TBC1D22A: variants seen among roughly 807,000 people sequenced by gnomAD.
TBC1D22A encodes TBC1 domain family member 22A.
In TBC1D22A, 38 loss-of-function variants were observed where a neutral mutation model predicts 60.2. The ratio of observed to expected loss-of-function variants is 0.63; its 90% CI spans 0.49 to 0.83. TBC1D22A has a LOEUF of 0.83. Ranked by LOEUF, TBC1D22A falls within the 40% of genes least tolerant of loss-of-function variation. TBC1D22A has a pLI of 0.00. For missense variants in TBC1D22A, 628 were observed against 701.0 expected (o/e 0.90, Z 1.18); for synonymous variants, 302 against 281.7 (o/e 1.07, Z -0.72).
At chr22:47,004,891 C>A (rs1477664412) in intron 10 of TBC1D22A, among the ~76,000 whole-genome samples, 7 of 151,824 alleles carry the variant, frequency 4.6e-5, no homozygotes, top group Admixed American at 4.6e-4. Context: ...ATACACACAC[C>A]CCTATATATA....
chr22:47,126,969 AT>A (rs1233226209), intron 12 of TBC1D22A, among the ~76,000 whole-genome samples: 1 of 152,102 alleles, frequency 6.6e-6, no homozygotes, highest in Non-Finnish European at 1.5e-5. Context: ...AGAGCTACCG[AT>A]TTTTCACACG....
At chr22:46,949,812 G>A (rs928909667) in intron 8 of TBC1D22A, among the ~76,000 whole-genome samples, 1 of 152,226 alleles carries the variant, frequency 6.6e-6, no homozygotes. Flanking sequence ...GAGCCGGTCA[G>A]CAGTGACGGG....
chr22:46,910,531 T>TG (rs1213292444), intron 7 of TBC1D22A, among the ~76,000 whole-genome samples: 1 of 152,142 alleles, frequency 6.6e-6, no homozygotes, highest in African/African-American at 2.4e-5. Flanking sequence ...GTCTACCTCC[T>TG]GTGCCTTGTT....
At position 46,778,872 on chromosome 22, in the gene TBC1D22A, C is replaced by T. The variant is rs181500489; in HGVS notation, c.63-13648C>T. Reference sequence around the variant, plus strand: ...CAGCCTGGCCAACATGGTGAAACCCCGTCTCTACTAAAAGTACAAAAATTA... The same window carrying T: ...CAGCCTGGCCAACATGGTGAAACCCTGTCTCTACTAAAAGTACAAAAATTA... On this transcript the variant is annotated intron_variant, in intron 1 of 12. Coordinates refer to ENST00000337137, the MANE Select transcript of TBC1D22A (RefSeq NM_014346.5). Among the ~76,000 whole-genome samples the T allele has an allele frequency of 3.0e-3, 453 of 152,176 alleles. 3 individuals carry two copies. Among genetic ancestry groups the T allele is most frequent in the Non-Finnish European group, 5.2e-3 (355 of 68,014 alleles).
rs575669338 is a variant in TBC1D22A at position 46,899,404 on chromosome 22, G to A, written c.900+4558G>A. Among the ~76,000 whole-genome samples, 7 of 151,642 alleles carry A rather than the reference G, an allele frequency of 4.6e-5. No individual in the cohort carries two copies. The South Asian group carries it at 1.0e-3, about 23-fold the overall frequency. On this transcript the variant is annotated intron_variant, in intron 7 of 12. Coordinates refer to ENST00000337137, the MANE Select transcript of TBC1D22A (RefSeq NM_014346.5). ...GGAGGCTGCAGTGAGCCGAGGTGGCGCCACTGCACTCCAGCCTGGGTGACA... is the reference window on the plus strand; with the variant it reads ...GGAGGCTGCAGTGAGCCGAGGTGGCACCACTGCACTCCAGCCTGGGTGACA...
Position 47,121,893 on chromosome 22 carries a change from C to T in TBC1D22A, c.1425+10290C>T, listed in dbSNP as rs535531206. Among the ~76,000 whole-genome samples the T allele has an allele frequency of 5.8e-4, 89 of 152,270 alleles. 1 individual carries two copies. Among genetic ancestry groups the T allele is most frequent in the African/African-American group, 1.9e-3 (77 of 41,574 alleles). On this transcript the variant is annotated intron_variant, in intron 12 of 12. Transcript: ENST00000337137. ...GTTCTCTGCCCTTCTTCTAGGATGT[C>T]GCACTGCGCCCGCCCCTCGGGTGTC...
chr22:47,085,968 A>T (rs1284878443), intron 11 of TBC1D22A, among the ~76,000 whole-genome samples: 1 of 152,240 alleles, frequency 6.6e-6, no homozygotes, highest in Non-Finnish European at 1.5e-5. Flanking sequence ...TTAAATTGTG[A>T]TGTAAACAGT....
chr22:47,086,643 A>G (rs1225356611), intron 11 of TBC1D22A, among the ~76,000 whole-genome samples: 9 of 152,192 alleles, frequency 5.9e-5, no homozygotes, highest in Non-Finnish European at 1.0e-4. Context: ...GTATTTTATC[A>G]TAGGTAATAT....
intron 4 of TBC1D22A, among the ~76,000 whole-genome samples, chr22:46,808,487 A>G (rs1363746869): frequency 6.6e-6 from 1 of 152,250 alleles, no homozygotes; most frequent in African/African-American, 2.4e-5. Context: ...GTTGCCAAGA[A>G]TAAAGCAAAT....
intron 12 of TBC1D22A, among the ~76,000 whole-genome samples, chr22:47,153,457 G>A (rs573779309): frequency 6.6e-6 from 1 of 152,208 alleles, no homozygotes; most frequent in African/African-American, 2.4e-5. Flanking sequence ...CAGCATGGGC[G>A]GTGACCCAGG....
chr22:47,010,487 T>C (rs142295206), intron 10 of TBC1D22A, among the ~76,000 whole-genome samples: 3 of 152,306 alleles, frequency 2.0e-5, no homozygotes, highest in Admixed American at 2.0e-4. Context: ...GTGTGGACTT[T>C]CTGGGAGGCG....
At chr22:46,771,111 C>A (rs757132637) in intron 1 of TBC1D22A, among the ~76,000 whole-genome samples, 28 of 152,224 alleles carry the variant, frequency 1.8e-4, no homozygotes, top group African/African-American at 5.5e-4. Flanking sequence ...CTTACATATT[C>A]GTCTGATAGA....
At chr22:47,159,243 A>G (rs552207205) in intron 12 of TBC1D22A, among the ~76,000 whole-genome samples, 2 of 148,728 alleles carry the variant, frequency 1.3e-5, no homozygotes, top group African/African-American at 2.5e-5. Flanking sequence ...CACACAAAAT[A>G]TACCATGTAT....
At chr22:46,952,804 C>T (rs984126991) in intron 8 of TBC1D22A, among the ~76,000 whole-genome samples, 6 of 152,168 alleles carry the variant, frequency 3.9e-5, no homozygotes, top group African/African-American at 7.2e-5. Flanking sequence ...TTGTTGGTAC[C>T]AGAGCTGACT....
chr22:47,119,731 G>A (rs1307100493), intron 12 of TBC1D22A, among the ~76,000 whole-genome samples: 4 of 152,026 alleles, frequency 2.6e-5, no homozygotes, highest in African/African-American at 7.2e-5. Context: ...TCCTGACCTC[G>A]TAATCCGCCC....
At chr22:46,861,680 G>T (rs2087895986) in intron 4 of TBC1D22A, among the ~76,000 whole-genome samples, 1 of 152,226 alleles carries the variant, frequency 6.6e-6, no homozygotes, top group African/African-American at 2.4e-5. Context: ...GGCGGCTGTT[G>T]CCCTCACTCA....
chr22:46,947,058 A>C (rs569881477), intron 8 of TBC1D22A, among the ~76,000 whole-genome samples: 3 of 152,222 alleles, frequency 2.0e-5, no homozygotes, highest in African/African-American at 7.2e-5. Context: ...GTCTTTAGAG[A>C]CTGCCAGGCC....
chr22:46,892,686 T>C (rs974103424), intron 6 of TBC1D22A, among the ~76,000 whole-genome samples: 4 of 152,262 alleles, frequency 2.6e-5, no homozygotes, highest in African/African-American at 9.6e-5. Context: ...TATTTTTTAA[T>C]GCATTTTAAT....
rs150355559 is a variant in TBC1D22A, at chr22:47,029,900, C to T, written c.1202-7171C>T. On this transcript the variant is annotated intron_variant, in intron 10 of 12. Transcript: ENST00000337137. ...AGTGGCCTGGGCCGGGGCTGCTGCT[C>T]GTCCTGGGTCTCAACCCTTCCCACC... Among the ~76,000 whole-genome samples the T allele has an allele frequency of 2.0e-5, 3 of 152,334 alleles. No homozygotes were observed. In the East Asian group the frequency reaches 5.8e-4, roughly 29 times the overall value.
Sources: allele counts gnomAD v4.1 joint callset (sites outside exome capture counted in the v4.1 genomes callset), GRCh38; gene constraint gnomAD v4.1.1; transcripts MANE v1.5; gene names NCBI Gene and HGNC (gene_info 2026-07-23, HGNC 2026-07-21).